DYNC1I1: variants seen among roughly 807,000 people sequenced by gnomAD.
The protein encoded by DYNC1I1 is dynein cytoplasmic 1 intermediate chain 1.
Under a neutral mutation model 86.6 loss-of-function variants are expected in DYNC1I1, and 43 were observed. The ratio of observed to expected loss-of-function variants is 0.50; its 90% CI spans 0.39 to 0.64. DYNC1I1 has a LOEUF of 0.64. DYNC1I1 is among the 30% of genes least tolerant of loss of function. The probability of loss-of-function intolerance (pLI) is 0.00; values close to 1 mark genes in which losing one functional copy is unlikely to be tolerated. For missense variants in DYNC1I1, 604 were observed against 788.8 expected, an observed-to-expected ratio of 0.77 and a Z score of 2.81; for synonymous variants, 262 against 283.7, an observed-to-expected ratio of 0.92 and a Z score of 0.77.
At chr7:95,816,565 A>C (rs1406174765) in intron 4 of DYNC1I1, among the ~76,000 whole-genome samples, 2 of 152,122 alleles carry the variant, frequency 1.3e-5, no homozygotes, top group African/African-American at 4.8e-5. Flanking sequence ...TGCTCAGTTA[A>C]TTATACTGGC....
rs755898489 is a variant in DYNC1I1 at position 95,892,533 on chromosome 7, T to G, written c.490+22535T>G. Reference sequence around the variant, plus strand: ...TCACTGTGTAAGCCAGGATGGTCTCTATCTCCTGACCTCATGATCCTCCTG... The same window carrying G: ...TCACTGTGTAAGCCAGGATGGTCTCGATCTCCTGACCTCATGATCCTCCTG... On this transcript the variant is annotated intron_variant, in intron 6 of 16. Transcript: ENST00000447467. Among the ~76,000 whole-genome samples the G allele has an allele frequency of 2.7e-4, 41 of 152,006 alleles. 1 individual carries two copies. Among genetic ancestry groups the G allele is most frequent in the Non-Finnish European group, 4.9e-4 (33 of 67,968 alleles).
chr7:96,105,340 A>G (rs955623546), intron 16 of DYNC1I1, among the ~76,000 whole-genome samples: 4 of 149,248 alleles, frequency 2.7e-5, no homozygotes, highest in African/African-American at 4.9e-5. Flanking sequence ...TTTTTGCCTT[A>G]CAGTATTAGC....
intron 2 of DYNC1I1, 48 bp downstream of exon 2, chr7:95,804,885 T>G (rs183083963): frequency 6.5e-7 from 1 of 1,532,578 alleles, no homozygotes; most frequent in Admixed American, 2.1e-5. Flanking sequence ...GAAAATCACT[T>G]GATTCTGAGG....
intron 14 of DYNC1I1, among the ~76,000 whole-genome samples, chr7:96,052,427 A>G (rs1789432110): frequency 6.6e-6 from 1 of 152,022 alleles, no homozygotes; most frequent in Non-Finnish European, 1.5e-5. Flanking sequence ...GATAGTTAGT[A>G]CTCTCTAGCT....
At chr7:95,919,025 T>C (rs1343771518) in intron 6 of DYNC1I1, among the ~76,000 whole-genome samples, 1 of 152,144 alleles carries the variant, frequency 6.6e-6, no homozygotes, top group Admixed American at 6.5e-5. Flanking sequence ...GAAGAAGTTG[T>C]TCCTTTTGTA....
intron 5 of DYNC1I1, among the ~76,000 whole-genome samples, chr7:95,857,703 T>G (rs1789762253): frequency 6.6e-6 from 1 of 152,316 alleles, no homozygotes; most frequent in South Asian, 2.1e-4. Context: ...AGGCATTGTT[T>G]CCACCATAGG....
chr7:95,813,964 G>A (rs1794892484), intron 4 of DYNC1I1, among the ~76,000 whole-genome samples: 1 of 152,122 alleles, frequency 6.6e-6, no homozygotes, highest in Admixed American at 6.5e-5. Context: ...TTTAATCACT[G>A]AAGAGGTATC....
intron 10 of DYNC1I1, among the ~76,000 whole-genome samples, chr7:96,015,987 T>C (rs13241648): frequency 0.055 from 8,414 of 152,222 alleles, 309 homozygotes; most frequent in Non-Finnish European, 0.09. Flanking sequence ...ACCTGGTTCA[T>C]CTTTGTGCCT....
intron 16 of DYNC1I1, among the ~76,000 whole-genome samples, chr7:96,081,184 A>G (rs528701374): frequency 1.9e-4 from 29 of 152,160 alleles, no homozygotes; most frequent in South Asian, 6.2e-4. Context: ...TTCTTTCATT[A>G]AAGTGTAGCC....
intron 12 of DYNC1I1, 50 bp downstream of exon 12, chr7:96,032,830 C>T (rs780393433): frequency 1.4e-6 from 2 of 1,466,968 alleles, no homozygotes; most frequent in East Asian, 2.3e-5. Flanking sequence ...AAAAGAGATA[C>T]CTACTTAATG....
chr7:95,861,074 A>G (rs1306507526), intron 5 of DYNC1I1, among the ~76,000 whole-genome samples: 2 of 152,204 alleles, frequency 1.3e-5, no homozygotes, highest in Middle Eastern at 3.4e-3. Context: ...GAAACTGCCT[A>G]GTATTGAAAT....
At chr7:95,926,503 T>C (rs939663018) in intron 6 of DYNC1I1, among the ~76,000 whole-genome samples, 5 of 152,320 alleles carry the variant, frequency 3.3e-5, no homozygotes, top group South Asian at 2.1e-4. Context: ...AAATGATTAA[T>C]GTTGGTTATT....
intron 1 of DYNC1I1, among the ~76,000 whole-genome samples, chr7:95,793,708 C>A (rs764004630): frequency 2.0e-5 from 3 of 152,150 alleles, no homozygotes; most frequent in Non-Finnish European, 4.4e-5. Flanking sequence ...GTGTTTTATG[C>A]CAGTGGGTTA....
Position 95,772,943 on chromosome 7 carries a change from T to G in DYNC1I1, c.-10+170T>G, listed in dbSNP as rs372443116. Among the ~76,000 whole-genome samples, 83 of 152,150 alleles carry G rather than the reference T, an allele frequency of 5.5e-4. No individual in the cohort carries two copies. In the South Asian group the frequency reaches 0.017, roughly 31 times the overall value. On this transcript the variant is annotated intron_variant, in intron 1 of 16. Transcript: ENST00000447467. ...CTGCCCAGGCTCCTGCGTGCTCCGCTGAGCCCGAAGGCGGCCAAAGCCCCC... is the reference window on the plus strand; with the variant it reads ...CTGCCCAGGCTCCTGCGTGCTCCGCGGAGCCCGAAGGCGGCCAAAGCCCCC...
downstream of DYNC1I1, among the ~76,000 whole-genome samples, chr7:96,100,650 T>TTGTGTGTGTGTGTG (rs57129262): frequency 0.036 from 5,174 of 142,854 alleles, 135 homozygotes; most frequent in East Asian, 0.062. Context: ...TTTGAGGGTT[T>TTGTGTGTGTGTGTG]TGTGTGTGTG....
intron 1 of DYNC1I1, among the ~76,000 whole-genome samples, chr7:95,798,103 A>G (rs1300988889): frequency 2.6e-5 from 4 of 151,368 alleles, no homozygotes; most frequent in Non-Finnish European, 5.9e-5. Context: ...AACATAAACT[A>G]AAGCTCTTTG....
chr7:96,091,264 G>A (rs968992602), intron 16 of DYNC1I1, among the ~76,000 whole-genome samples: 2 of 152,150 alleles, frequency 1.3e-5, no homozygotes, highest in African/African-American at 4.8e-5. Flanking sequence ...GTGTATTAAA[G>A]TGAAAGGAAA....
At chr7:95,869,784 A>C in intron 5 of DYNC1I1, 99 bp from the exon 6 acceptor site, 14 of 1,104,612 alleles carry the variant, frequency 1.3e-5, no homozygotes, top group East Asian at 2.5e-5. Flanking sequence ...AGCTGAGGGT[A>C]TTTGTGGTTT....
At chr7:95,828,178 C>G (rs572464980) in intron 5 of DYNC1I1, 62 bp downstream of exon 5, 13 of 1,582,492 alleles carry the variant, frequency 8.2e-6, no homozygotes, top group Non-Finnish European at 1.1e-5. Context: ...TGTTGAAATG[C>G]TGGAGCTGTT....
Sources: allele counts gnomAD v4.1 joint callset (sites outside exome capture counted in the v4.1 genomes callset), GRCh38; gene constraint gnomAD v4.1.1; transcripts MANE v1.5; gene names NCBI Gene and HGNC (gene_info 2026-07-23, HGNC 2026-07-21).